The following ANGPTL2 variants were observed in gnomAD, a reference collection of about 807,000 sequenced individuals.
The protein encoded by ANGPTL2 is angiopoietin like 2.
Under a neutral mutation model 52.8 loss-of-function variants are expected in ANGPTL2, and 25 were observed. The ratio of observed to expected loss-of-function variants is 0.47; its 90% CI spans 0.35 to 0.66. The LOEUF is 0.66. ANGPTL2 is among the 30% of genes least tolerant of loss of function. ANGPTL2 has a pLI of 0.01. For synonymous variants in ANGPTL2, 276 were observed against 277.4 expected (o/e 1.00, Z 0.05); for missense variants, 546 against 656.9 (o/e 0.83, Z 1.84).
chr9:127,094,001 G>A, intron 2 of ANGPTL2, 75 bp from the exon 3 acceptor site: 1 of 1,527,860 alleles, frequency 6.5e-7, no homozygotes. Flanking sequence ...ACCCCAAGCA[G>A]GCACAACCTC....
chr9:127,103,315 C>A (rs546932098), intron 2 of ANGPTL2, among the ~76,000 whole-genome samples: 1 of 152,322 alleles, frequency 6.6e-6, no homozygotes, highest in African/African-American at 2.4e-5. Context: ...CCCAATAGCC[C>A]ATCTGTTGTG....
chr9:127,093,023 C>A (rs2052666632), intron 3 of ANGPTL2, among the ~76,000 whole-genome samples: 1 of 152,068 alleles, frequency 6.6e-6, no homozygotes, highest in African/African-American at 2.4e-5. Context: ...TAAGCTGGGT[C>A]CATAACAGAA....
intron 2 of ANGPTL2, among the ~76,000 whole-genome samples, chr9:127,095,281 C>T (rs1405187666): frequency 6.6e-6 from 1 of 152,082 alleles, no homozygotes; most frequent in Non-Finnish European, 1.5e-5. Flanking sequence ...ACCTGTGATC[C>T]CAGCTACCCG....
At chr9:127,096,052 C>G (rs1341965764) in intron 2 of ANGPTL2, among the ~76,000 whole-genome samples, 2 of 152,178 alleles carry the variant, frequency 1.3e-5, no homozygotes, top group African/African-American at 4.8e-5. Flanking sequence ...GGCCTCTTCT[C>G]TAAGGGATGG....
At chr9:127,093,632 G>C in intron 3 of ANGPTL2, 101 bp downstream of exon 3, 1 of 1,416,332 alleles carries the variant, frequency 7.1e-7, no homozygotes, top group Non-Finnish European at 9.8e-7. Context: ...GGCTTGGTCA[G>C]CATGTACCTC....
chr9:127,100,496 T>A (rs1249440898), intron 2 of ANGPTL2, among the ~76,000 whole-genome samples: 1 of 152,188 alleles, frequency 6.6e-6, no homozygotes, highest in African/African-American at 2.4e-5. Context: ...TTTAAAGACA[T>A]TTTAAAAAAG....
chr9:127,113,457 T>C (rs1314864050), intron 1 of ANGPTL2, among the ~76,000 whole-genome samples: 2 of 151,988 alleles, frequency 1.3e-5, no homozygotes, highest in African/African-American at 4.8e-5. Context: ...ACTTTTGCTC[T>C]CTTGATATTT....
Position 127,108,445 on chromosome 9 carries a change from A to C in ANGPTL2, c.287T>G (p.Leu96Arg), listed in dbSNP as rs1448496307. The change falls in exon 2 of 5, where the codon CTG becomes CGG. Residue 96 changes from leucine (L) to arginine (R), a missense_variant. By Grantham distance (102) the Leu-to-Arg change is moderately radical. Coordinates refer to ENST00000373425, the MANE Select transcript of ANGPTL2 (RefSeq NM_012098.3). Reference protein sequence around the residue: ...KQELELLNNELLKQKRQIETL... With the variant: ...KQELELLNNERLKQKRQIETL... Reference sequence around the variant, plus strand: ...CTCGATCTGCCGCTTCTGCTTGAGCAGCTCATTGTTGAGCAGCTCTAGCTC... The same window carrying C: ...CTCGATCTGCCGCTTCTGCTTGAGCCGCTCATTGTTGAGCAGCTCTAGCTC... 6.2e-7 allele frequency: 1 copy of C among 1,610,086 alleles called. No homozygotes were observed. The highest frequency in any genetic ancestry group is 8.5e-7 in the Non-Finnish European group (1 of 1,179,134).
At chr9:127,106,893 C>T (rs1037450497) in intron 2 of ANGPTL2, 1 of 152,168 alleles carries the variant, frequency 6.6e-6, no homozygotes, top group African/African-American at 2.4e-5. Context: ...CTCTCCCTGC[C>T]TATACAATGA....
Position 127,108,301 on chromosome 9 carries a change from T to C in ANGPTL2, c.431A>G (p.Glu144Gly). The change falls in exon 2 of 5, where the codon GAG (glutamate) becomes GGG (glycine). Residue 144 changes from glutamate to glycine, a missense_variant. Glu to Gly is a moderately conservative substitution (Grantham distance 98). This residue lies in a region of ANGPTL2 where 285 missense variants were observed against 295.8 expected (regional missense o/e 0.96). Coordinates refer to ENST00000373425, the MANE Select transcript of ANGPTL2 (RefSeq NM_012098.3). The stretch of plus-strand genomic sequence containing the variant: ...CGCGTTGTCCCGCTTGCGGATGATC[T>C]CGTGCAGGAGCTGCATGTAGAGCTG... ...VTQLYMQLLHEIIRKRDNALE... is the reference protein window; with the variant it reads ...VTQLYMQLLHGIIRKRDNALE... The C allele has an allele frequency of 2.5e-6, 4 of 1,613,870 alleles. No individual in the cohort carries two copies. Among genetic ancestry groups the C allele is most frequent in the Non-Finnish European group, 1.7e-6 (2 of 1,179,926 alleles).
Position 127,108,431 on chromosome 9 carries a change from G to A in ANGPTL2, c.301C>T (p.Arg101Trp), listed in dbSNP as rs749537656. The A allele has an allele frequency of 4.4e-6, 7 of 1,607,866 alleles. No individual in the cohort carries two copies. Among genetic ancestry groups the A allele is most frequent in the East Asian group, 2.2e-5 (1 of 44,726 alleles). The change falls in exon 2 of 5, where the codon CGG (arginine) becomes TGG (tryptophan). Residue 101 changes from arginine (R) to tryptophan (W), a missense_variant. Arg to Trp is a moderately radical substitution (Grantham distance 101). Around this residue, in one of 2 missense-constraint regions of ANGPTL2, gnomAD observed 285 missense variants for 295.8 expected, o/e 0.96. Coordinates refer to ENST00000373425, the MANE Select transcript of ANGPTL2 (RefSeq NM_012098.3). ...LLNNELLKQK[R>W]QIETLQQLVE... Reference sequence around the variant, plus strand: ...AGCTGCTGCAGCGTCTCGATCTGCCGCTTCTGCTTGAGCAGCTCATTGTTG... The same window carrying A: ...AGCTGCTGCAGCGTCTCGATCTGCCACTTCTGCTTGAGCAGCTCATTGTTG...
intron 1 of ANGPTL2, among the ~76,000 whole-genome samples, chr9:127,117,262 A>G (rs2055533988): frequency 6.6e-6 from 1 of 152,112 alleles, no homozygotes; most frequent in African/African-American, 2.4e-5. Flanking sequence ...TCAACACCCA[A>G]GACTCAGATT....
At chr9:127,110,554 A>G (rs954203264) in intron 1 of ANGPTL2, among the ~76,000 whole-genome samples, 2 of 152,182 alleles carry the variant, frequency 1.3e-5, no homozygotes, top group African/African-American at 2.4e-5. Flanking sequence ...CCAGGACTCT[A>G]GACTCATACA....
rs765766104 is a variant in ANGPTL2 at position 127,108,154 on chromosome 9, T to A, written c.578A>T (p.Gln193Leu). The A allele has an allele frequency of 9.3e-6, 15 of 1,613,864 alleles. No individual in the cohort carries two copies. Among genetic ancestry groups the A allele is most frequent in the Non-Finnish European group, 1.3e-5 (15 of 1,179,978 alleles). The change falls in exon 2 of 5, where the codon CAA becomes CTA. Residue 193 changes from glutamine to leucine, a missense_variant. Around this residue, in one of 2 missense-constraint regions of ANGPTL2, gnomAD observed 285 missense variants for 295.8 expected, o/e 0.96. Transcript: ENST00000373425. Reference sequence around the variant, plus strand: ...CTCAAGCTGCGCGATGATCTCTGATTGGTTGTGGGCCAGTGTGGCCAGGTG... The same window carrying A: ...CTCAAGCTGCGCGATGATCTCTGATAGGTTGTGGGCCAGTGTGGCCAGGTG... ...YQHLATLAHN[Q>L]SEIIAQLEEH...
chr9:127,100,571 G>A (rs1194714813), intron 2 of ANGPTL2, among the ~76,000 whole-genome samples: 1 of 152,202 alleles, frequency 6.6e-6, no homozygotes, highest in Non-Finnish European at 1.5e-5. Flanking sequence ...TGGCTCCCTG[G>A]GGGCAGTGGC....
intron 1 of ANGPTL2, among the ~76,000 whole-genome samples, chr9:127,121,982 AC>A (rs966611560): frequency 6.6e-6 from 1 of 152,042 alleles, no homozygotes; most frequent in African/African-American, 2.4e-5. Context: ...CTAAGCACAC[AC>A]CTACACACAC....
Position 127,088,620 on chromosome 9 carries a change from A to C in ANGPTL2, c.*319T>G, listed in dbSNP as rs1252976845. On this transcript the variant is annotated 3_prime_UTR_variant, in exon 5 of 5. Coordinates refer to ENST00000373425, the MANE Select transcript of ANGPTL2 (RefSeq NM_012098.3). Reference sequence around the variant, plus strand: ...ATACGTGCACAAGGGAGGCTCATACACATGTATATTATGAAGGTACTTTGC... The same window carrying C: ...ATACGTGCACAAGGGAGGCTCATACCCATGTATATTATGAAGGTACTTTGC... 5.1e-6 allele frequency: 2 copies of C among 395,844 alleles called. No individual in the cohort carries two copies. The highest frequency in any genetic ancestry group is 7.3e-4 in the Middle Eastern group (1 of 1,370). The allele number at this position is 395,844 out of a possible 1,614,324, so 24.5% of individuals were successfully genotyped here.
chr9:127,119,709 G>C lies in ANGPTL2; in HGVS notation c.-50+2606C>G, dbSNP rs139924549. Among the ~76,000 whole-genome samples, 99 of 152,346 alleles carry C rather than the reference G, an allele frequency of 6.5e-4. 1 individual carries two copies. The highest frequency in any genetic ancestry group is 2.3e-3 in the African/African-American group (95 of 41,582). On this transcript the variant is annotated intron_variant, in intron 1 of 4. Transcript: ENST00000373425. ...GAGGAACAGCTTATTTGCTCTGCCC[G>C]TGAGCTTCAGCAATAACATGTAGTC...
intron 1 of ANGPTL2, among the ~76,000 whole-genome samples, chr9:127,119,606 G>C (rs1270971880): frequency 6.6e-6 from 1 of 152,188 alleles, no homozygotes; most frequent in Non-Finnish European, 1.5e-5. Context: ...TTGTGGTGAG[G>C]ATGAAATGAC....
Sources: gnomAD v4.1 joint callset for allele counts (sites outside exome capture counted in the v4.1 genomes callset) on GRCh38, gnomAD v4.1.1 for gene constraint, gnomAD v4.1.1 regional missense constraint, MANE v1.5 for transcripts, NCBI Gene and HGNC (gene_info 2026-07-23, HGNC 2026-07-21) for gene names.